Variants in GSG1L observed in about 807,000 individuals in gnomAD.
GSG1L encodes the protein GSG1 like, also known as germ cell-specific gene 1-like protein.
A neutral mutation model predicts 42.1 loss-of-function variants in GSG1L; 24 were observed. That is an observed-to-expected ratio of 0.57 (90% CI 0.41 to 0.80). The LOEUF (loss-of-function observed/expected upper bound fraction) is 0.80, where lower values mean the gene tolerates loss of function less well. Ranked by LOEUF, GSG1L falls within the 30% of genes least tolerant of loss-of-function variation. The probability of loss-of-function intolerance (pLI) is 0.00; values close to 1 mark genes in which losing one functional copy is unlikely to be tolerated. For missense variants in GSG1L, 445 were observed against 472.2 expected (o/e 0.94, Z 0.53); for synonymous variants, 215 against 203.5 (o/e 1.06, Z -0.48).
chr16:27,992,806 C>T (rs915817406), intron 1 of GSG1L, among the ~76,000 whole-genome samples: 1 of 152,116 alleles, frequency 6.6e-6, no homozygotes, highest in African/African-American at 2.4e-5. Context: ...GATACAGAAA[C>T]CATGGCCCAG....
At chr16:27,995,958 G>A (rs951928575) in intron 1 of GSG1L, among the ~76,000 whole-genome samples, 1 of 152,022 alleles carries the variant, frequency 6.6e-6, no homozygotes, top group Non-Finnish European at 1.5e-5. Context: ...CTAGCACTGT[G>A]GGAGGCCAAG....
chr16:27,947,378 GAAAGAA>G (rs1312779033), intron 2 of GSG1L, among the ~76,000 whole-genome samples: 1 of 94,214 alleles, frequency 1.1e-5, no homozygotes, highest in African/African-American at 4.0e-5. Flanking sequence ...GAGAAAGAAA[GAAAGAA>G]AAAGAAAGAA....
chr16:27,843,291 G>T lies in GSG1L; in HGVS notation c.662+1659C>A, dbSNP rs183388685. On this transcript the variant is annotated intron_variant, in intron 4 of 6. Transcript: ENST00000447459. ...AGGGTTTGGGTGAGGCTAATGCCAC[G>T]CTCTGGACCATGTGGCTCAGGTCAT... 1.9e-3 allele frequency among the ~76,000 whole-genome samples: 295 copies of T among 152,134 alleles called. 1 individual carries two copies. Among genetic ancestry groups the T allele is most frequent in the Middle Eastern group, 6.8e-3 (2 of 294 alleles).
At chr16:27,935,147 G>A (rs368759654) in intron 2 of GSG1L, among the ~76,000 whole-genome samples, 5 of 152,324 alleles carry the variant, frequency 3.3e-5, no homozygotes, top group East Asian at 1.9e-4. Context: ...GACTCGGATG[G>A]AGCCCATTAT....
intron 4 of GSG1L, among the ~76,000 whole-genome samples, chr16:27,834,468 CCTCTT>C (rs2083302663): frequency 6.8e-6 from 1 of 148,010 alleles, no homozygotes; most frequent in African/African-American, 2.5e-5. Context: ...AGTTTTCTCT[CCTCTT>C]CTATTTTCTG....
chr16:27,841,580 G>T (rs139808194), intron 4 of GSG1L, among the ~76,000 whole-genome samples: 99 of 152,278 alleles, frequency 6.5e-4, no homozygotes, highest in African/African-American at 2.2e-3. Context: ...TTTGACAAAT[G>T]GCCTCACACA....
At chr16:27,881,238 C>CTTTTTTT in intron 3 of GSG1L, among the ~76,000 whole-genome samples, 1 of 106,978 alleles carries the variant, frequency 9.3e-6, no homozygotes, top group Non-Finnish European at 1.8e-5. Context: ...AAGTATCATA[C>CTTTTTTT]TTTTTTTTTT....
intron 1 of GSG1L, among the ~76,000 whole-genome samples, chr16:28,027,031 G>A (rs1448916845): frequency 2.6e-5 from 4 of 152,192 alleles, no homozygotes; most frequent in South Asian, 2.1e-4. Context: ...GCAGTGAGTC[G>A]AAATAGCACC....
intron 2 of GSG1L, among the ~76,000 whole-genome samples, chr16:27,909,460 C>A (rs1215825275): frequency 7.1e-6 from 1 of 141,634 alleles, no homozygotes; most frequent in Non-Finnish European, 1.5e-5. Context: ...GATTATGGCT[C>A]ACTGCAGCCT....
chr16:28,007,954 G>C (rs1653549313), intron 1 of GSG1L, among the ~76,000 whole-genome samples: 1 of 152,202 alleles, frequency 6.6e-6, no homozygotes. Flanking sequence ...AGGATTGCCA[G>C]ACCAAGGGTG....
At chr16:27,800,188 C>T (rs1216936887) in intron 6 of GSG1L, among the ~76,000 whole-genome samples, 1 of 152,182 alleles carries the variant, frequency 6.6e-6, no homozygotes, top group Non-Finnish European at 1.5e-5. Flanking sequence ...GAAATACTGT[C>T]TGTTTCCATT....
chr16:27,849,197 CAAAAAG>C (rs796358380), intron 3 of GSG1L, among the ~76,000 whole-genome samples: 3,643 of 113,570 alleles, frequency 0.032, 80 homozygotes, highest in African/African-American at 0.038. Context: ...GCCTCTATCC[CAAAAAG>C]AAAAAAAAAA....
Position 27,807,501 on chromosome 16 carries a change from T to C in GSG1L, c.884A>G (p.Glu295Gly). The change falls in exon 6 of 7, where the codon GAG (glutamate) becomes GGG (glycine). Residue 295 changes from glutamate to glycine, a missense_variant. Glu to Gly is a moderately conservative substitution (Grantham distance 98, BLOSUM62 -2). Coordinates refer to ENST00000447459, the MANE Select transcript of GSG1L (RefSeq NM_001109763.2). ...EEDFHLDCRH[E>G]RYPARHQPHM... Reference sequence around the variant, plus strand: ...AGGCCACTTACGGGCAGGGTATCTCTCGTGGCGGCAGTCTAAGTGAAAGTC... The same window carrying C: ...AGGCCACTTACGGGCAGGGTATCTCCCGTGGCGGCAGTCTAAGTGAAAGTC... 6.2e-7 allele frequency: 1 copy of C among 1,613,142 alleles called. No homozygotes were observed. The highest frequency in any genetic ancestry group is 8.5e-7 in the Non-Finnish European group (1 of 1,179,834).
intron 3 of GSG1L, among the ~76,000 whole-genome samples, chr16:27,867,635 C>A (rs1176165576): frequency 1.3e-5 from 2 of 152,228 alleles, no homozygotes; most frequent in Non-Finnish European, 2.9e-5. Context: ...GCTTTGGCCT[C>A]GGTTTCCCTG....
At chr16:28,058,483 G>A (rs1201249292) in intron 1 of GSG1L, among the ~76,000 whole-genome samples, 2 of 152,094 alleles carry the variant, frequency 1.3e-5, no homozygotes, top group Non-Finnish European at 2.9e-5. Flanking sequence ...ACAAAAATTA[G>A]CCAGGTATGG....
rs1366186142 is a variant in GSG1L at position 28,040,349 on chromosome 16, CTCAA to C, written c.349+22723_349+22726del. Among the ~76,000 whole-genome samples, 1 of 152,184 alleles carries C rather than the reference CTCAA, an allele frequency of 6.6e-6. No individual in the cohort carries two copies. The highest frequency in any genetic ancestry group is 6.5e-5 in the Admixed American group (1 of 15,284). On this transcript the variant is annotated intron_variant, in intron 1 of 6. Transcript: ENST00000447459. The surrounding 1 kb of genome is among the most constrained non-coding windows in gnomAD (Gnocchi z 4.1). Reference sequence around the variant, plus strand: ...TCACCTCCCCAGAGGCCTCCCTCTTCTCAATCACTCTCCATCCCATCACTTCTCT... The same window carrying C: ...TCACCTCCCCAGAGGCCTCCCTCTTCTCACTCTCCATCCCATCACTTCTCT...
chr16:27,889,962 A>T (rs567456702), intron 2 of GSG1L, among the ~76,000 whole-genome samples: 1 of 152,324 alleles, frequency 6.6e-6, no homozygotes, highest in South Asian at 2.1e-4. Flanking sequence ...CTTCTGAGGG[A>T]TTAAGCAACT....
chr16:27,869,513 CTCCA>C (rs1156765420), intron 3 of GSG1L, among the ~76,000 whole-genome samples: 1 of 148,978 alleles, frequency 6.7e-6, no homozygotes, highest in African/African-American at 2.5e-5. Context: ...CTGTCTCTGT[CTCCA>C]TCCATCTCTC....
chr16:27,806,733 T>A (rs1004098), intron 6 of GSG1L, among the ~76,000 whole-genome samples: 68,715 of 151,996 alleles, frequency 0.45, 16,049 homozygotes, highest in African/African-American at 0.59. Context: ...GGGCACTGAC[T>A]GTGTCTGCTG....
Sources: gnomAD v4.1 joint callset for allele counts (sites outside exome capture counted in the v4.1 genomes callset) on GRCh38, gnomAD v4.1.1 for gene constraint, Gnocchi (gnomAD v3.1) non-coding constraint, MANE v1.5 for transcripts, NCBI Gene and HGNC (gene_info 2026-07-23, HGNC 2026-07-21) for gene names.